The following ABCC5 variants were observed in gnomAD, a reference collection of about 807,000 sequenced individuals.
The protein encoded by ABCC5 is ATP-binding cassette sub-family C member 5.
ABCC5 carries 61 observed loss-of-function variants against 160.9 expected under a neutral mutation model. That is an observed-to-expected ratio of 0.38 (90% CI 0.31 to 0.47). ABCC5 has a LOEUF of 0.47. Among genes scored for constraint, ABCC5 ranks in the 20% least tolerant of loss-of-function variants. The pLI is 0.99. For missense variants in ABCC5, 1,308 were observed against 1,813.3 expected (o/e 0.72, Z 5.06); for synonymous variants, 666 against 700.6 (o/e 0.95, Z 0.78).
At chr3:184,012,465 T>C (rs1261566199) in intron 2 of ABCC5, among the ~76,000 whole-genome samples, 1 of 152,236 alleles carries the variant, frequency 6.6e-6, no homozygotes, top group Non-Finnish European at 1.5e-5. Context: ...AGTGATCCCA[T>C]GAGTCAGGTA....
intron 26 of ABCC5, among the ~76,000 whole-genome samples, chr3:183,930,728 T>G (rs961710414): frequency 1.2e-4 from 18 of 152,182 alleles, no homozygotes; most frequent in Admixed American, 6.5e-4. Flanking sequence ...CAAGGAAGCG[T>G]CCTTCCCTAT....
rs887380392 is a variant in ABCC5, at chr3:183,920,652, T to C, written c.*648A>G. The C allele has an allele frequency of 2.6e-5, 4 of 152,658 alleles. No homozygotes were observed. The highest frequency in any genetic ancestry group is 9.7e-5 in the African/African-American group (4 of 41,444). The allele number at this position is 152,658 out of a possible 1,614,324, so 9.5% of individuals were successfully genotyped here. A position where few individuals can be genotyped will look rare whatever the true frequency, so the allele number is the denominator to read the frequency against. ...ACACCAGGACAGAAGGCAGGAGCCC[T>C]GAGAACTCACGGCGCTCTGCATGGT... On this transcript the variant is annotated 3_prime_UTR_variant, in exon 30 of 30. Transcript: ENST00000334444. This position sits in a 1 kb window ranked among gnomAD's most constrained non-coding sequence, Gnocchi z 4.1.
intron 26 of ABCC5, among the ~76,000 whole-genome samples, chr3:183,929,068 A>G (rs1373991068): frequency 6.6e-6 from 1 of 152,232 alleles, no homozygotes; most frequent in East Asian, 1.9e-4. Flanking sequence ...AATACTAGTT[A>G]TAGAACAATT....
rs956005405 is a variant in ABCC5 at position 183,928,813 on chromosome 3, G to A, written c.3867C>T (p.Asp1289=). 5 of 1,613,798 alleles carry A rather than the reference G, an allele frequency of 3.1e-6. No homozygotes were observed. The Admixed American group carries it at 6.7e-5, about 22-fold the overall frequency. ...GGTCTTCAGTGTACTGGTTGAAGGGGTCCAAATTTGATCTAGGGAGAAACA... is the reference window on the plus strand; with the variant it reads ...GGTCTTCAGTGTACTGGTTGAAGGGATCCAAATTTGATCTAGGGAGAAACA... ...LFSGTVRSNL[D]PFNQYTEDQI... Residue 1289 remains aspartate, a synonymous_variant, in exon 27 of 30, where the codon GAC becomes GAT. Coordinates refer to ENST00000334444, the MANE Select transcript of ABCC5 (RefSeq NM_005688.4).
rs1466293103 is a variant in ABCC5, at chr3:183,963,453, T to C, written c.2167A>G (p.Ile723Val). 2 of 1,614,264 alleles carry C rather than the reference T, an allele frequency of 1.2e-6. No individual in the cohort carries two copies. The highest frequency in any genetic ancestry group is 1.7e-5 in the Admixed American group (1 of 60,036). ...TGTTTCCGGATAGCACTATTGAAGA[T>C]GTGGTTGCCCACATGGGCATCTAAG... ...SALDAHVGNHIFNSAIRKHLK... is the reference protein window; with the variant it reads ...SALDAHVGNHVFNSAIRKHLK... The change falls in exon 15 of 30, where the codon ATC becomes GTC. Residue 723 changes from isoleucine (I) to valine (V), a missense_variant. This residue lies in a region of ABCC5 where 1,142 missense variants were observed against 1,527.1 expected (regional missense o/e 0.75). Coordinates refer to ENST00000334444, the MANE Select transcript of ABCC5 (RefSeq NM_005688.4). The surrounding 1 kb of genome is among the most constrained non-coding windows in gnomAD (Gnocchi z 4.6).
intron 15 of ABCC5, among the ~76,000 whole-genome samples, chr3:183,961,859 A>T (rs1716773176): frequency 6.6e-6 from 1 of 152,114 alleles, no homozygotes; most frequent in Admixed American, 6.5e-5. Flanking sequence ...GGTTCACTGC[A>T]ATCTCCGCCT....
chr3:183,927,024 A>G (rs1712645257), intron 28 of ABCC5, among the ~76,000 whole-genome samples: 1 of 151,958 alleles, frequency 6.6e-6, no homozygotes. Flanking sequence ...CAGCCTGGAG[A>G]CAGAGCAAGA....
Position 183,976,257 on chromosome 3 carries a change from A to C in ABCC5, c.1404+1260T>G, listed in dbSNP as rs187769185. On this transcript the variant is annotated intron_variant, in intron 10 of 29. Coordinates refer to ENST00000334444, the MANE Select transcript of ABCC5 (RefSeq NM_005688.4). ...GTAAGAAACAAACAAACAACAACAA[A>C]AAAAAACAAAAACACAGATAAGAGT... Among the ~76,000 whole-genome samples, 550 of 151,896 alleles carry C rather than the reference A, an allele frequency of 3.6e-3. 3 individuals are homozygous for C. The highest frequency in any genetic ancestry group is 8.3e-3 in the South Asian group (40 of 4,804).
chr3:183,925,802 C>T, intron 28 of ABCC5, 83 bp from the exon 29 acceptor site: 1 of 1,235,526 alleles, frequency 8.1e-7, no homozygotes, highest in South Asian at 1.5e-5. Context: ...AAATGTATTT[C>T]ATTTAAGTTT....
intron 26 of ABCC5, among the ~76,000 whole-genome samples, chr3:183,935,782 G>A (rs764967574): frequency 1.7e-4 from 26 of 152,040 alleles, no homozygotes; most frequent in South Asian, 4.2e-4. Context: ...CATTACAGGC[G>A]TGAGCCACCA....
chr3:183,977,280 G>A (rs1430609369), intron 10 of ABCC5, among the ~76,000 whole-genome samples: 1 of 152,170 alleles, frequency 6.6e-6, no homozygotes, highest in Non-Finnish European at 1.5e-5. Context: ...TGCAATCCTG[G>A]GAGCCCAGAT....
chr3:183,989,451 A>G, intron 2 of ABCC5, 68 bp from the exon 3 acceptor site: 2 of 1,541,942 alleles, frequency 1.3e-6, no homozygotes. Flanking sequence ...AACGGAACTG[A>G]TGAAACAGCT....
chr3:183,939,992 G>T (rs1394917784), intron 25 of ABCC5, among the ~76,000 whole-genome samples: 1 of 152,014 alleles, frequency 6.6e-6, no homozygotes, highest in African/African-American at 2.4e-5. Flanking sequence ...CGACCCCACT[G>T]TCGGGATCTA....
In ABCC5 at chr3:183,982,605, T is replaced by C. The variant is rs1452321063; in HGVS notation, c.845A>G (p.Asn282Ser). Residue 282 changes from asparagine to serine, a missense_variant, in exon 7 of 30, where the codon AAC becomes AGC. Physicochemically the swap from Asn to Ser is conservative, Grantham distance 46. This residue lies in a region of ABCC5 where 1,142 missense variants were observed against 1,527.1 expected (regional missense o/e 0.75). Transcript: ENST00000334444. The surrounding 1 kb of genome is among the most constrained non-coding windows in gnomAD (Gnocchi z 5.2). ...SLGELINICS[N>S]DGQRMFEAAA... ...TGCCTCAAACATTCTCTGCCCATCG[T>C]TGGAGCAAATGTTGATGAGCTATAA... The C allele has an allele frequency of 6.2e-7, 1 of 1,614,164 alleles. No individual in the cohort carries two copies. Among genetic ancestry groups the C allele is most frequent in the Non-Finnish European group, 8.5e-7 (1 of 1,180,028 alleles).
chr3:183,939,166 C>T (rs1714040366), intron 25 of ABCC5, among the ~76,000 whole-genome samples: 1 of 152,226 alleles, frequency 6.6e-6, no homozygotes, highest in African/African-American at 2.4e-5. Flanking sequence ...GGCACGGTGG[C>T]TCATGCCTGT....
At chr3:183,972,009 A>C (rs772085163) in intron 10 of ABCC5, 90 bp from the exon 11 acceptor site, 17 of 1,597,088 alleles carry the variant, frequency 1.1e-5, no homozygotes, top group Non-Finnish European at 1.4e-5. Flanking sequence ...GTAGCAAAAC[A>C]CATCAGGCTA....
At chr3:183,969,617 G>A (rs373188883) in intron 11 of ABCC5, among the ~76,000 whole-genome samples, 32 of 151,752 alleles carry the variant, frequency 2.1e-4, no homozygotes, top group South Asian at 1.9e-3. Flanking sequence ...ACTTGAACCC[G>A]GGAGGCAGAG....
At chr3:183,943,035 C>G (rs1005634316) in intron 24 of ABCC5, 119 bp from the exon 25 acceptor site, 1 of 979,420 alleles carries the variant, frequency 1.0e-6, no homozygotes, top group African/African-American at 1.6e-5. Flanking sequence ...AGCTGCCACC[C>G]TGTCACCTTG....
intron 26 of ABCC5, among the ~76,000 whole-genome samples, chr3:183,930,740 G>T (rs1473302557): frequency 6.6e-6 from 1 of 152,218 alleles, no homozygotes; most frequent in Non-Finnish European, 1.5e-5. Context: ...CTTCCCTATA[G>T]GGTTCAGTGG....
Sources: gnomAD v4.1 joint callset for allele counts (sites outside exome capture counted in the v4.1 genomes callset) on GRCh38, gnomAD v4.1.1 for gene constraint, gnomAD v4.1.1 regional missense constraint, Gnocchi (gnomAD v3.1) non-coding constraint, MANE v1.5 for transcripts, NCBI Gene and HGNC (gene_info 2026-07-23, HGNC 2026-07-21) for gene names.